Variants in STK32C observed in about 807,000 individuals in gnomAD.
STK32C encodes the protein serine/threonine-protein kinase 32C.
STK32C carries 31 observed loss-of-function variants against 56.5 expected under a neutral mutation model. The ratio of observed to expected loss-of-function variants is 0.55; its 90% CI spans 0.41 to 0.74. The LOEUF is 0.74. Among genes scored for constraint, STK32C ranks in the 30% least tolerant of loss-of-function variants. The pLI, the probability that STK32C is intolerant of heterozygous loss-of-function variation, is 0.00. For missense variants in STK32C, 544 were observed against 676.9 expected, an observed-to-expected ratio of 0.80 and a Z score of 2.18; for synonymous variants, 309 against 289.4, an observed-to-expected ratio of 1.07 and a Z score of -0.69.
At chr10:132,224,608 G>T in intron 7 of STK32C, 85 bp from the exon 8 acceptor site, 1 of 1,001,378 alleles carries the variant, frequency 1.0e-6, no homozygotes, top group Non-Finnish European at 1.5e-6. Context: ...CCATCGCCCT[G>T]AGAGGACCCC....
chr10:132,226,772 T>C, intron 4 of STK32C, 23 bp downstream of exon 4: 1 of 1,606,962 alleles, frequency 6.2e-7, no homozygotes. Flanking sequence ...AGCAGGTACC[T>C]GCGCCGTCTG....
intron 1 of STK32C, among the ~76,000 whole-genome samples, chr10:132,258,548 C>T (rs1354680767): frequency 2.0e-5 from 3 of 152,212 alleles, no homozygotes; most frequent in Non-Finnish European, 2.9e-5. Flanking sequence ...AGGTCCAATG[C>T]GCTCTCCCGG....
chr10:132,259,531 A>G (rs1215717285), intron 1 of STK32C, among the ~76,000 whole-genome samples: 2 of 151,978 alleles, frequency 1.3e-5, no homozygotes, highest in African/African-American at 4.8e-5. Flanking sequence ...CGTGATAGTG[A>G]GTTCTCATGA....
chr10:132,232,661 AG>A (rs952307653), intron 2 of STK32C, among the ~76,000 whole-genome samples: 4 of 152,138 alleles, frequency 2.6e-5, no homozygotes, highest in Non-Finnish European at 5.9e-5. Flanking sequence ...CACCACAAAG[AG>A]GAACAAGCCA....
intron 1 of STK32C, among the ~76,000 whole-genome samples, chr10:132,294,059 C>G (rs887781245): frequency 1.3e-5 from 2 of 152,146 alleles, no homozygotes; most frequent in Non-Finnish European, 2.9e-5. Context: ...GTGGCAATGT[C>G]GAGTCGGAGG....
At position 132,307,539 on chromosome 10, in the gene STK32C, C is replaced by G; in HGVS notation, c.262+33G>C. ...CCGCGCCCGCCCCTGCAATAGCGCGCGGCCCCCACGTCGTCCCCGTGCCCG... is the reference window on the plus strand; with the variant it reads ...CCGCGCCCGCCCCTGCAATAGCGCGGGGCCCCCACGTCGTCCCCGTGCCCG... On this transcript the variant is annotated intron_variant, in intron 1 of 11. Transcript: ENST00000298630. This position sits in a 1 kb window ranked among gnomAD's most constrained non-coding sequence, Gnocchi z 4.4. 2.6e-6 allele frequency: 4 copies of G among 1,524,514 alleles called. No homozygotes were observed. The highest frequency in any genetic ancestry group is 2.6e-6 in the Non-Finnish European group (3 of 1,136,552). 94.4% of individuals were successfully genotyped at this position (1,524,514 alleles called of 1,614,324 possible). A position where few individuals can be genotyped will look rare whatever the true frequency, so the allele number is the denominator to read the frequency against.
At chr10:132,288,567 T>C (rs1335827505) in intron 1 of STK32C, among the ~76,000 whole-genome samples, 1 of 152,272 alleles carries the variant, frequency 6.6e-6, no homozygotes, top group Admixed American at 6.5e-5. Context: ...TGTATGCCTT[T>C]GTCAAAACTC....
intron 10 of STK32C, among the ~76,000 whole-genome samples, chr10:132,220,314 G>T (rs111231359): frequency 6.6e-6 from 1 of 152,252 alleles, no homozygotes; most frequent in African/African-American, 2.4e-5. Flanking sequence ...GGGTAGAGGG[G>T]CAAGGACTGG....
At chr10:132,264,271 T>G (rs1433111111) in intron 1 of STK32C, among the ~76,000 whole-genome samples, 1 of 152,186 alleles carries the variant, frequency 6.6e-6, no homozygotes, top group Non-Finnish European at 1.5e-5. Flanking sequence ...ACAAGATAAT[T>G]ATTTAAGTGG....
At chr10:132,299,041 A>C (rs2065838026) in intron 1 of STK32C, among the ~76,000 whole-genome samples, 1 of 152,216 alleles carries the variant, frequency 6.6e-6, no homozygotes, top group Non-Finnish European at 1.5e-5. Flanking sequence ...AAGACCCAGC[A>C]GCACAGACAG....
In STK32C at chr10:132,272,616, G is replaced by A. The variant is rs375928547; in HGVS notation, c.263-26661C>T. Among the ~76,000 whole-genome samples, 9 of 152,200 alleles carry A rather than the reference G, an allele frequency of 5.9e-5. No homozygotes were observed. The South Asian group carries it at 6.2e-4, about 11-fold the overall frequency. ...CTTCCTTCAAGCGTTCCCAGACTCCGACCGCATCTTGCCCCTCCTCTGCTT... is the reference window on the plus strand; with the variant it reads ...CTTCCTTCAAGCGTTCCCAGACTCCAACCGCATCTTGCCCCTCCTCTGCTT... On this transcript the variant is annotated intron_variant, in intron 1 of 11. Coordinates refer to ENST00000298630, the MANE Select transcript of STK32C (RefSeq NM_173575.4).
At chr10:132,239,728 T>A (rs113452860) in intron 2 of STK32C, among the ~76,000 whole-genome samples, 59 of 152,348 alleles carry the variant, frequency 3.9e-4, no homozygotes, top group African/African-American at 1.4e-3. Flanking sequence ...CGTCAACTTT[T>A]AGCGGCCACT....
Position 132,226,893 on chromosome 10 carries a change from C to T in STK32C, c.546G>A (p.Leu182=), listed in dbSNP as rs1018952976. ...CCTCGGAGAACTGCACGTTCTGCTG[C>T]AGGTGGTAGCGCAGGTCCCCGCCCA... ...LLLGGDLRYH[L]QQNVQFSEDT... Residue 182 remains leucine, a synonymous_variant, in exon 4 of 12, where the codon CTG becomes CTA. Transcript: ENST00000298630. 4 of 1,613,388 alleles carry T rather than the reference C, an allele frequency of 2.5e-6. No homozygotes were observed. In the African/African-American group the frequency reaches 5.3e-5, roughly 22 times the overall value.
chr10:132,306,017 G>A (rs1283414945), intron 1 of STK32C, among the ~76,000 whole-genome samples: 3 of 152,202 alleles, frequency 2.0e-5, no homozygotes, highest in African/African-American at 4.8e-5. Flanking sequence ...AAGTCAGACC[G>A]TGAGCCCCAC....
At chr10:132,232,366 C>A (rs150313357) in intron 2 of STK32C, among the ~76,000 whole-genome samples, 1 of 152,138 alleles carries the variant, frequency 6.6e-6, no homozygotes, top group Non-Finnish European at 1.5e-5. Flanking sequence ...AGGGCGGGTC[C>A]GGCAGGCTCC....
At chr10:132,236,620 C>G (rs972275125) in intron 2 of STK32C, among the ~76,000 whole-genome samples, 1 of 152,190 alleles carries the variant, frequency 6.6e-6, no homozygotes. Context: ...GTTTAACTTT[C>G]CACACCAGAA....
Position 132,228,300 on chromosome 10 carries a change from C to A in STK32C, c.319-172G>T, listed in dbSNP as rs148752369. On this transcript the variant is annotated intron_variant, in intron 2 of 11. Transcript: ENST00000298630. ...GACGCGGCAGGTGCATTCCTCTCTG[C>A]CACATATGGTAACATATTTGCTCTG... 6.0e-3 allele frequency: 4,395 copies of A among 727,648 alleles called. 21 individuals are homozygous for A. Among genetic ancestry groups the A allele is most frequent in the Non-Finnish European group, 6.7e-3 (2,802 of 416,924 alleles). 45.1% of individuals were successfully genotyped at this position (727,648 alleles called of 1,614,324 possible).
intron 1 of STK32C, among the ~76,000 whole-genome samples, chr10:132,303,233 C>T (rs931482457): frequency 2.0e-5 from 3 of 152,222 alleles, no homozygotes; most frequent in African/African-American, 7.2e-5. Context: ...AGAACTAATG[C>T]GAGAAGGAGA....
chr10:132,330,427 T>TG (rs2066633290), intron 1 of STK32C: 2 of 717,294 alleles, frequency 2.8e-6, no homozygotes, highest in African/African-American at 1.7e-5. Flanking sequence ...CTCCTTGCTC[T>TG]GCCCGGGTGG....
Sources: allele counts gnomAD v4.1 joint callset (sites outside exome capture counted in the v4.1 genomes callset), GRCh38; gene constraint gnomAD v4.1.1; non-coding constraint Gnocchi (gnomAD v3.1); transcripts MANE v1.5; gene names NCBI Gene and HGNC (gene_info 2026-07-23, HGNC 2026-07-21).